Variants in KHDRBS2 observed in about 807,000 individuals in gnomAD.
KHDRBS2 encodes KH domain-containing, RNA-binding, signal transduction-associated protein 2.
Under a neutral mutation model 44.3 loss-of-function variants are expected in KHDRBS2, and 26 were observed. That is an observed-to-expected ratio of 0.59 (90% confidence interval 0.43 to 0.81). The LOEUF (loss-of-function observed/expected upper bound fraction) is 0.81, where lower values mean the gene tolerates loss of function less well. KHDRBS2 is among the 40% of genes least tolerant of loss of function. KHDRBS2 has a pLI of 0.00. For synonymous variants in KHDRBS2, 194 were observed against 151.1 expected, an observed-to-expected ratio of 1.28 and a Z score of -2.08; for missense variants, 476 against 433.1, an observed-to-expected ratio of 1.10 and a Z score of -0.88.
chr6:61,995,317 A>G (rs6935943), intron 3 of KHDRBS2, among the ~76,000 whole-genome samples: 3,861 of 152,254 alleles, frequency 0.025, 157 homozygotes, highest in African/African-American at 0.085. Context: ...TTAGAAAAAC[A>G]AGACTTTATC....
chr6:62,268,566 T>C (rs761431495), intron 1 of KHDRBS2, among the ~76,000 whole-genome samples: 5 of 152,094 alleles, frequency 3.3e-5, no homozygotes, highest in Non-Finnish European at 7.4e-5. Flanking sequence ...AGGGTGGAGA[T>C]GCCAATTCTG....
chr6:61,641,319 C>T, the KHDRBS2 span, among the ~76,000 whole-genome samples: 1 of 152,156 alleles, frequency 6.6e-6, no homozygotes, highest in Non-Finnish European at 1.5e-5. Context: ...TTAAATAAAG[C>T]ACATTTCTGT....
intron 2 of KHDRBS2, among the ~76,000 whole-genome samples, chr6:62,147,707 T>C (rs1360104058): frequency 6.6e-6 from 1 of 152,042 alleles, no homozygotes. Context: ...ATAATGAATG[T>C]AATCATTAAA....
chr6:61,822,225 C>T (rs1271078538), intron 6 of KHDRBS2, among the ~76,000 whole-genome samples: 1 of 151,898 alleles, frequency 6.6e-6, no homozygotes, highest in Non-Finnish European at 1.5e-5. Context: ...CTATCGAAAA[C>T]GAAGTTCATC....
chr6:61,872,516 G>T (rs1798805634), intron 6 of KHDRBS2, among the ~76,000 whole-genome samples: 1 of 151,796 alleles, frequency 6.6e-6, no homozygotes, highest in Non-Finnish European at 1.5e-5. Flanking sequence ...AAGTTGTAAG[G>T]TATTAAAGTA....
At chr6:62,082,284 G>T (rs575329009) in intron 2 of KHDRBS2, among the ~76,000 whole-genome samples, 1 of 147,286 alleles carries the variant, frequency 6.8e-6, no homozygotes, top group Admixed American at 6.9e-5. Context: ...GAAATTCTTA[G>T]TTTAAAGAGA....
chr6:61,863,041 A>AT (rs951529128), intron 6 of KHDRBS2, among the ~76,000 whole-genome samples: 4 of 151,606 alleles, frequency 2.6e-5, no homozygotes, highest in Non-Finnish European at 4.4e-5. Context: ...CTATTTATCC[A>AT]TTTTTTCCTA....
intron 4 of KHDRBS2, among the ~76,000 whole-genome samples, chr6:61,966,804 C>A (rs868192845): frequency 8.6e-5 from 13 of 151,982 alleles, no homozygotes; most frequent in Middle Eastern, 3.4e-3. Flanking sequence ...TCAGACATTT[C>A]TTTTTATTTT....
intron 6 of KHDRBS2, among the ~76,000 whole-genome samples, chr6:61,828,428 G>T (rs1791265785): frequency 6.6e-6 from 1 of 152,178 alleles, no homozygotes; most frequent in Non-Finnish European, 1.5e-5. Context: ...ACAGGTTACA[G>T]GTGCGGGTGA....
At chr6:62,090,608 G>A (rs1304506107) in intron 2 of KHDRBS2, among the ~76,000 whole-genome samples, 5 of 151,294 alleles carry the variant, frequency 3.3e-5, no homozygotes, top group African/African-American at 4.9e-5. Context: ...CATTTACTGA[G>A]CACCAGTCAT....
the KHDRBS2 span, among the ~76,000 whole-genome samples, chr6:61,555,729 G>A: frequency 6.6e-6 from 1 of 152,146 alleles, no homozygotes; most frequent in African/African-American, 2.4e-5. Flanking sequence ...GGGTTTGATT[G>A]TCGCATAAGG....
intron 4 of KHDRBS2, among the ~76,000 whole-genome samples, chr6:61,957,626 T>G (rs1767692710): frequency 6.6e-6 from 1 of 152,106 alleles, no homozygotes; most frequent in African/African-American, 2.4e-5. Flanking sequence ...GTCAGACTGG[T>G]TGTCTGCTCT....
chr6:61,918,520 C>T (rs1427222976), intron 4 of KHDRBS2, among the ~76,000 whole-genome samples: 1 of 151,890 alleles, frequency 6.6e-6, no homozygotes, highest in Non-Finnish European at 1.5e-5. Context: ...TTCCCTCTCT[C>T]TCTCCACCAT....
At chr6:61,627,252 CAAAAAAAAAAAAAAAAAAAA>C in the KHDRBS2 span, among the ~76,000 whole-genome samples, 13 of 76,122 alleles carry the variant, frequency 1.7e-4, no homozygotes, top group Admixed American at 2.1e-3. Flanking sequence ...GACTCCGTCT[CAAAAAAAAAAAAAAAAAAAA>C]AAAAAAAAAA....
At chr6:61,547,024 C>A in the KHDRBS2 span, among the ~76,000 whole-genome samples, 1 of 152,020 alleles carries the variant, frequency 6.6e-6, no homozygotes, top group Non-Finnish European at 1.5e-5. Context: ...CATACATCCA[C>A]ACCCACACTC....
intron 2 of KHDRBS2, among the ~76,000 whole-genome samples, chr6:62,113,248 T>A (rs1321502121): frequency 6.6e-6 from 1 of 152,114 alleles, no homozygotes; most frequent in Non-Finnish European, 1.5e-5. Flanking sequence ...AACATATGAT[T>A]CATTGAATAT....
At chr6:61,709,052 A>G (rs969421528) in intron 7 of KHDRBS2, among the ~76,000 whole-genome samples, 3 of 151,748 alleles carry the variant, frequency 2.0e-5, no homozygotes, top group Admixed American at 1.3e-4. Context: ...TACTTGAAGT[A>G]TCAATGAGAT....
intron 6 of KHDRBS2, among the ~76,000 whole-genome samples, chr6:61,754,978 A>C (rs189991545): frequency 1.3e-3 from 193 of 152,238 alleles, no homozygotes; most frequent in Non-Finnish European, 2.0e-3. Context: ...TTTATAATAG[A>C]ATCTAGTAAA....
At chr6:61,824,059 C>T (rs1790442373) in intron 6 of KHDRBS2, among the ~76,000 whole-genome samples, 3 of 152,058 alleles carry the variant, frequency 2.0e-5, no homozygotes, top group Admixed American at 2.0e-4. Context: ...ACAAGATATG[C>T]ATGACTTTAA....
Sources: gnomAD v4.1 joint callset for allele counts (sites outside exome capture counted in the v4.1 genomes callset) on GRCh38, gnomAD v4.1.1 for gene constraint, MANE v1.5 for transcripts, NCBI Gene and HGNC (gene_info 2026-07-23, HGNC 2026-07-21) for gene names.